Variants in PIP4K2B observed in about 807,000 individuals in gnomAD.
The protein encoded by PIP4K2B is phosphatidylinositol-5-phosphate 4-kinase type 2 beta.
PIP4K2B carries 3 observed loss-of-function variants against 42.0 expected under a neutral mutation model. The ratio of observed to expected loss-of-function variants is 0.07; its 90% CI spans 0.03 to 0.18. PIP4K2B has a LOEUF of 0.18. PIP4K2B is among the 10% of genes least tolerant of loss of function. The pLI, the probability that PIP4K2B is intolerant of heterozygous loss-of-function variation, is 1.00. For synonymous variants in PIP4K2B, 204 were observed against 210.1 expected, an observed-to-expected ratio of 0.97 and a Z score of 0.25; for missense variants, 332 against 562.3, an observed-to-expected ratio of 0.59 and a Z score of 4.14.
rs1227028603 is a variant in PIP4K2B at position 38,787,314 on chromosome 17, CTCCCTGCCTT to C, written c.160-404_160-395del. Among the ~76,000 whole-genome samples the C allele has an allele frequency of 5.3e-5, 8 of 152,298 alleles. No individual in the cohort carries two copies. In the East Asian group the frequency reaches 1.5e-3, roughly 29 times the overall value. On this transcript the variant is annotated intron_variant, in intron 1 of 9. Coordinates refer to ENST00000619039, the MANE Select transcript of PIP4K2B (RefSeq NM_003559.5). ...AGGTGTCAGCCACCACACCTGGCCCCTCCCTGCCTTTATTTCTGTTCTTCTCTTCAAGTAA... is the reference window on the plus strand; with the variant it reads ...AGGTGTCAGCCACCACACCTGGCCCCTATTTCTGTTCTTCTCTTCAAGTAA...
intron 7 of PIP4K2B, among the ~76,000 whole-genome samples, chr17:38,772,730 C>T (rs1261037691): frequency 6.6e-6 from 1 of 152,066 alleles, no homozygotes; most frequent in African/African-American, 2.4e-5. Flanking sequence ...TTCAGGCATG[C>T]ACCACCACAC....
intron 2 of PIP4K2B, among the ~76,000 whole-genome samples, chr17:38,786,589 T>A (rs1389378836): frequency 1.3e-5 from 2 of 152,202 alleles, no homozygotes; most frequent in Non-Finnish European, 2.9e-5. Flanking sequence ...CCCAGCCACA[T>A]GCCCCAAGGG....
At chr17:38,797,643 A>C (rs1242401634) in intron 1 of PIP4K2B, among the ~76,000 whole-genome samples, 2 of 152,242 alleles carry the variant, frequency 1.3e-5, no homozygotes, top group African/African-American at 4.8e-5. Flanking sequence ...CCTGACTCTC[A>C]GGCCTCTACC....
intron 1 of PIP4K2B, among the ~76,000 whole-genome samples, chr17:38,789,383 T>C (rs528911147): frequency 6.6e-6 from 1 of 152,342 alleles, no homozygotes; most frequent in African/African-American, 2.4e-5. Context: ...CAGCAGAGTA[T>C]TTGACATTTG....
At chr17:38,793,208 C>T (rs533744678) in intron 1 of PIP4K2B, among the ~76,000 whole-genome samples, 9 of 149,848 alleles carry the variant, frequency 6.0e-5, no homozygotes, top group Non-Finnish European at 1.0e-4. Context: ...GGATCACAGG[C>T]GTAAGCCACT....
At chr17:38,785,437 C>T (rs944016197) in intron 2 of PIP4K2B, among the ~76,000 whole-genome samples, 2 of 152,126 alleles carry the variant, frequency 1.3e-5, no homozygotes, top group Admixed American at 6.5e-5. Context: ...TTTGGGAGGC[C>T]GAGGCAGGTG....
At chr17:38,777,899 A>G in intron 6 of PIP4K2B, 99 bp from the exon 7 acceptor site, 1 of 725,292 alleles carries the variant, frequency 1.4e-6, no homozygotes, top group Non-Finnish European at 2.4e-6. Flanking sequence ...AAGGGGAAGG[A>G]GGGGTTGTCA....
chr17:38,780,054 A>T, intron 4 of PIP4K2B: 1 of 182,672 alleles, frequency 5.5e-6, no homozygotes, highest in African/African-American at 2.3e-5. Context: ...CCAGAAATGA[A>T]GACCCAAGTA....
intron 4 of PIP4K2B, chr17:38,779,904 A>C (rs1909600666): frequency 8.9e-6 from 2 of 225,396 alleles, no homozygotes; most frequent in African/African-American, 4.5e-5. Flanking sequence ...AAGAGACAGG[A>C]TGCAGAGGCA....
intron 1 of PIP4K2B, among the ~76,000 whole-genome samples, chr17:38,791,537 G>C (rs1287595916): frequency 1.3e-5 from 2 of 148,656 alleles, no homozygotes; most frequent in African/African-American, 5.0e-5. Flanking sequence ...AGCCTCCTGA[G>C]TAGCTCGGAT....
intron 2 of PIP4K2B, among the ~76,000 whole-genome samples, chr17:38,786,178 T>C (rs1909999065): frequency 6.6e-6 from 1 of 152,166 alleles, no homozygotes; most frequent in African/African-American, 2.4e-5. Flanking sequence ...GGAGAAAGTG[T>C]AAGCAGCAAA....
chr17:38,791,797 G>C (rs1412590297), intron 1 of PIP4K2B, among the ~76,000 whole-genome samples: 1 of 146,732 alleles, frequency 6.8e-6, no homozygotes, highest in African/African-American at 2.5e-5. Flanking sequence ...AAACCAAAAA[G>C]ACATCTGCAG....
intron 1 of PIP4K2B, among the ~76,000 whole-genome samples, chr17:38,789,576 G>A (rs192054596): frequency 3.3e-5 from 5 of 152,284 alleles, no homozygotes; most frequent in African/African-American, 2.4e-5. Context: ...ACTCCTCCAG[G>A]AGCATAAATG....
rs1448221956 is a variant in PIP4K2B at position 38,778,518 on chromosome 17, T to C, written c.655-146A>G. On this transcript the variant is annotated intron_variant, in intron 5 of 9. Coordinates refer to ENST00000619039, the MANE Select transcript of PIP4K2B (RefSeq NM_003559.5). ...GGCAGCACCTTGTTCATTTACTGTG[T>C]CAAGCCCACTTATAGAGCTCTATGT... The C allele has an allele frequency of 7.8e-6, 6 of 770,262 alleles. 1 individual carries two copies. The highest frequency in any genetic ancestry group is 5.5e-5 in the South Asian group (4 of 72,550). 47.7% of individuals were successfully genotyped at this position (770,262 alleles called of 1,614,324 possible).
Position 38,769,745 on chromosome 17 carries a change from G to A in PIP4K2B, c.1197C>T (p.Asn399=). 6.2e-7 allele frequency: 1 copy of A among 1,613,480 alleles called. No homozygotes were observed. Among genetic ancestry groups the A allele is most frequent in the Non-Finnish European group, 8.5e-7 (1 of 1,179,398 alleles). Residue 399 remains asparagine, a synonymous_variant, in exon 10 of 10, where the codon AAC becomes AAT. Transcript: ENST00000619039. ...TGAAGCGTTTGGAGTACTGCTCAGG[G>A]TTCACAGTCGAGATCTCGGCCCCTG... is the stretch of plus-strand genomic sequence containing the variant. ...HGAGAEISTV[N]PEQYSKRFNE... is the part of the protein sequence containing the mutation.
chr17:38,777,457 AG>A (rs1189066532), intron 7 of PIP4K2B, among the ~76,000 whole-genome samples: 1 of 152,196 alleles, frequency 6.6e-6, no homozygotes, highest in Non-Finnish European at 1.5e-5. Context: ...AAAAGGGAAA[AG>A]CATTCTAAAC....
In PIP4K2B at chr17:38,771,060, C is replaced by T. The variant is rs1461822142; in HGVS notation, c.1020G>A (p.Gly340=). ...LLSFPRFFGP[G]EFDPSVDVYA... is the part of the protein sequence containing the mutation. ...AGACGTCAACAGAGGGGTCGAATTC[C>T]CCAGGACCAAAGAACCGAGGAAAGC... is the stretch of plus-strand genomic sequence containing the variant. The change falls in exon 8 of 10, where the codon GGG becomes GGA. Residue 340 remains glycine, a synonymous_variant. Transcript: ENST00000619039. The T allele has an allele frequency of 6.2e-7, 1 of 1,614,110 alleles. No homozygotes were observed.
chr17:38,794,960 T>A (rs1229385535), intron 1 of PIP4K2B, among the ~76,000 whole-genome samples: 1 of 151,256 alleles, frequency 6.6e-6, no homozygotes, highest in Non-Finnish European at 1.5e-5. Context: ...ATTAGCCTGG[T>A]GTGGTGGCGG....
intron 7 of PIP4K2B, among the ~76,000 whole-genome samples, chr17:38,773,070 C>T (rs1249637205): frequency 6.6e-6 from 1 of 152,126 alleles, no homozygotes; most frequent in African/African-American, 2.4e-5. Flanking sequence ...GATCTTGGAA[C>T]ATGTCCCCTG....
Sources: allele counts gnomAD v4.1 joint callset (sites outside exome capture counted in the v4.1 genomes callset), GRCh38; gene constraint gnomAD v4.1.1; transcripts MANE v1.5; gene names NCBI Gene and HGNC (gene_info 2026-07-23, HGNC 2026-07-21).